The following TRABD2B variants were observed in gnomAD, a reference collection of about 807,000 sequenced individuals.
TRABD2B encodes the protein metalloprotease TIKI2.
In TRABD2B, 14 loss-of-function variants were observed where a neutral mutation model predicts 40.1. The ratio of observed to expected loss-of-function variants is 0.35; its 90% CI spans 0.23 to 0.55. The LOEUF is 0.55. Among genes scored for constraint, TRABD2B ranks in the 20% least tolerant of loss-of-function variants. The probability of loss-of-function intolerance (pLI) is 0.90; values close to 1 mark genes in which losing one functional copy is unlikely to be tolerated. For synonymous variants in TRABD2B, 263 were observed against 277.0 expected (o/e 0.95, Z 0.50); for missense variants, 541 against 648.6 (o/e 0.83, Z 1.80).
intron 3 of TRABD2B, among the ~76,000 whole-genome samples, chr1:47,798,039 G>A (rs982412230): frequency 3.3e-5 from 5 of 152,160 alleles, no homozygotes; most frequent in African/African-American, 1.2e-4. Context: ...ACACCCTGTG[G>A]GAAATTCCAT....
chr1:47,985,759 T>A (rs1645910328), intron 2 of TRABD2B, among the ~76,000 whole-genome samples: 1 of 152,366 alleles, frequency 6.6e-6, no homozygotes, highest in East Asian at 1.9e-4. Flanking sequence ...TACTGAGTTA[T>A]GATTACATGG....
intron 2 of TRABD2B, among the ~76,000 whole-genome samples, chr1:47,826,698 C>T (rs10890504): frequency 0.68 from 103,201 of 151,840 alleles, 35,389 homozygotes; most frequent in South Asian, 0.83. Flanking sequence ...TTCAGCCTCC[C>T]GAATAGCTAG....
chr1:47,950,409 C>A (rs1645325715), intron 2 of TRABD2B, among the ~76,000 whole-genome samples: 1 of 152,184 alleles, frequency 6.6e-6, no homozygotes, highest in African/African-American at 2.4e-5. Context: ...CACATACACA[C>A]ATCAGAAGAG....
chr1:47,867,035 T>A (rs1181609602), intron 2 of TRABD2B, among the ~76,000 whole-genome samples: 1 of 152,170 alleles, frequency 6.6e-6, no homozygotes, highest in South Asian at 2.1e-4. Flanking sequence ...CACCCGCCTG[T>A]CTCCTGCAAG....
At chr1:47,987,388 T>G (rs1645934448) in intron 2 of TRABD2B, among the ~76,000 whole-genome samples, 3 of 152,156 alleles carry the variant, frequency 2.0e-5, no homozygotes, top group Admixed American at 2.0e-4. Context: ...TGTTCTGAGA[T>G]TTCACCATTC....
At chr1:47,896,043 T>A (rs1570238120) in intron 2 of TRABD2B, among the ~76,000 whole-genome samples, 1 of 152,358 alleles carries the variant, frequency 6.6e-6, no homozygotes, top group African/African-American at 2.4e-5. Context: ...GCACACATTG[T>A]GATCTCCAGC....
At chr1:47,770,876 A>G (rs1281011777) in intron 6 of TRABD2B, among the ~76,000 whole-genome samples, 4 of 152,232 alleles carry the variant, frequency 2.6e-5, no homozygotes, top group Non-Finnish European at 2.9e-5. Flanking sequence ...ACAGGTGTCA[A>G]TACCAGCTGC....
At chr1:47,969,871 G>A (rs1356591275) in intron 2 of TRABD2B, among the ~76,000 whole-genome samples, 2 of 152,088 alleles carry the variant, frequency 1.3e-5, no homozygotes, top group Non-Finnish European at 2.9e-5. Flanking sequence ...ATGATCAAGA[G>A]AAAGGAGCAT....
intron 2 of TRABD2B, among the ~76,000 whole-genome samples, chr1:47,836,162 C>A (rs1645315982): frequency 6.6e-6 from 1 of 152,156 alleles, no homozygotes; most frequent in South Asian, 2.1e-4. Flanking sequence ...TAGTCATAGA[C>A]CTGGGTTCAC....
intron 2 of TRABD2B, among the ~76,000 whole-genome samples, chr1:47,814,147 T>G (rs1645000210): frequency 6.6e-6 from 1 of 152,194 alleles, no homozygotes; most frequent in South Asian, 2.1e-4. Context: ...CAACAGCCCA[T>G]GCAGAGGAAT....
At chr1:47,826,879 G>C in intron 2 of TRABD2B, among the ~76,000 whole-genome samples, 1 of 152,176 alleles carries the variant, frequency 6.6e-6, no homozygotes, top group Non-Finnish European at 1.5e-5. Flanking sequence ...GGCCTAGGGA[G>C]CCATTCTTGG....
At chr1:47,777,931 G>A (rs1022852907) in intron 5 of TRABD2B, among the ~76,000 whole-genome samples, 2 of 152,184 alleles carry the variant, frequency 1.3e-5, no homozygotes, top group African/African-American at 4.8e-5. Flanking sequence ...ATAGCGGATG[G>A]CCATTAGTGG....
chr1:47,788,581 G>C lies in TRABD2B; in HGVS notation c.988+6005C>G, dbSNP rs557669607. Among the ~76,000 whole-genome samples, 160 of 152,298 alleles carry C rather than the reference G, an allele frequency of 1.1e-3. 1 individual carries two copies. Among genetic ancestry groups the C allele is most frequent in the African/African-American group, 3.7e-3 (155 of 41,576 alleles). On this transcript the variant is annotated intron_variant, in intron 4 of 6. Coordinates refer to ENST00000606738, the MANE Select transcript of TRABD2B (RefSeq NM_001194986.2). ...CCTGCGAAGAGTGATTTCCATTCCT[G>C]GAAGGCTCTTAGCTCCATACTCCTC...
chr1:47,908,692 A>C (rs1309627328), intron 2 of TRABD2B, among the ~76,000 whole-genome samples: 1 of 152,074 alleles, frequency 6.6e-6, no homozygotes, highest in Non-Finnish European at 1.5e-5. Context: ...TTCAACCCTC[A>C]ATGGCCAAGG....
intron 2 of TRABD2B, among the ~76,000 whole-genome samples, chr1:47,858,516 C>T (rs1643922030): frequency 6.6e-6 from 1 of 152,178 alleles, no homozygotes; most frequent in Non-Finnish European, 1.5e-5. Flanking sequence ...CCCTCGGCCT[C>T]CCGAAATGTT....
At chr1:47,807,356 C>A (rs374070476) in intron 2 of TRABD2B, among the ~76,000 whole-genome samples, 1 of 152,190 alleles carries the variant, frequency 6.6e-6, no homozygotes, top group East Asian at 1.9e-4. Context: ...CTTAGTATTA[C>A]CATACCCTGA....
At chr1:47,917,075 A>G (rs1644839620) in intron 2 of TRABD2B, among the ~76,000 whole-genome samples, 1 of 152,214 alleles carries the variant, frequency 6.6e-6, no homozygotes, top group Admixed American at 6.5e-5. Flanking sequence ...TCAGAGACGC[A>G]TCCAGACCCA....
chr1:47,937,612 T>C (rs967295060), intron 2 of TRABD2B, among the ~76,000 whole-genome samples: 1 of 152,102 alleles, frequency 6.6e-6, no homozygotes. Flanking sequence ...CCTGACACTT[T>C]TACTTTTCTA....
At chr1:47,784,407 G>C (rs997936264) in intron 4 of TRABD2B, among the ~76,000 whole-genome samples, 1 of 152,172 alleles carries the variant, frequency 6.6e-6, no homozygotes, top group Non-Finnish European at 1.5e-5. Context: ...TTTCAGGACC[G>C]TGTTGAGGGG....
Sources: gnomAD v4.1 joint callset for allele counts (sites outside exome capture counted in the v4.1 genomes callset) on GRCh38, gnomAD v4.1.1 for gene constraint, MANE v1.5 for transcripts, NCBI Gene and HGNC (gene_info 2026-07-23, HGNC 2026-07-21) for gene names.